ADARB1: variants seen among roughly 807,000 people sequenced by gnomAD.
ADARB1 encodes double-stranded RNA-specific editase 1.
A neutral mutation model predicts 52.4 loss-of-function variants in ADARB1; 10 were observed. That is an observed-to-expected ratio of 0.19 (90% CI 0.12 to 0.32). ADARB1 has a LOEUF of 0.32. Ranked by LOEUF, ADARB1 falls within the 10% of genes least tolerant of loss-of-function variation. The pLI is 1.00. For synonymous variants in ADARB1, 349 were observed against 371.1 expected, an observed-to-expected ratio of 0.94 and a Z score of 0.68; for missense variants, 643 against 922.3, an observed-to-expected ratio of 0.70 and a Z score of 3.92.
Position 45,176,685 on chromosome 21 carries a change from T to G in ADARB1, c.963+21T>G. The G allele has an allele frequency of 6.4e-7, 1 of 1,571,644 alleles. No individual in the cohort carries two copies. The highest frequency in any genetic ancestry group is 8.6e-7 in the Non-Finnish European group (1 of 1,159,116). On this transcript the variant is annotated intron_variant, in intron 4 of 10. Coordinates refer to ENST00000348831, the MANE Select transcript of ADARB1 (RefSeq NM_001112.4). The surrounding 1 kb of genome is among the most constrained non-coding windows in gnomAD (Gnocchi z 5.8). Reference sequence around the variant, plus strand: ...CGCAGGTGAGGAACTATGCTGCTGCTTTAAAACACGGGGTCATTGCTCTTG... The same window carrying G: ...CGCAGGTGAGGAACTATGCTGCTGCGTTAAAACACGGGGTCATTGCTCTTG...
At position 45,225,325 on chromosome 21, in the gene ADARB1, C is replaced by T; in HGVS notation, c.*3128C>T. 8.2e-7 allele frequency: 1 copy of T among 1,217,990 alleles called. No homozygotes were observed. Among genetic ancestry groups the T allele is most frequent in the East Asian group, 3.2e-5 (1 of 30,816 alleles). 75.4% of individuals were successfully genotyped at this position (1,217,990 alleles called of 1,614,324 possible). ...CCCAGCAAGGGACGCCAAAGAACTG[C>T]AGTTTTTATTCTGAGTCTTAATTTA... is the stretch of plus-strand genomic sequence containing the variant. On this transcript the variant is annotated 3_prime_UTR_variant, in exon 11 of 11. Coordinates refer to ENST00000348831, the MANE Select transcript of ADARB1 (RefSeq NM_001112.4).
chr21:45,099,312 A>G (rs2086898213), intron 1 of ADARB1, among the ~76,000 whole-genome samples: 1 of 152,152 alleles, frequency 6.6e-6, no homozygotes, highest in Non-Finnish European at 1.5e-5. Context: ...TTCAGTGCCT[A>G]GTATACAGCC....
At chr21:45,075,896 C>A (rs2085913391) in intron 1 of ADARB1, among the ~76,000 whole-genome samples, 2 of 152,148 alleles carry the variant, frequency 1.3e-5, no homozygotes, top group South Asian at 4.1e-4. Flanking sequence ...GGCATGATAT[C>A]AAACTTGTTT....
chr21:45,176,345 C>T lies in ADARB1; in HGVS notation c.644C>T (p.Ala215Val). 1 of 1,613,998 alleles carries T rather than the reference C, an allele frequency of 6.2e-7. No individual in the cohort carries two copies. The highest frequency in any genetic ancestry group is 8.5e-7 in the Non-Finnish European group (1 of 1,179,908). ...AGCTTGTCTGCTTCCCCGGTGCCTGCCAGCCTAGCCCAGCCTCCTCTCCCT... is the reference window on the plus strand; with the variant it reads ...AGCTTGTCTGCTTCCCCGGTGCCTGTCAGCCTAGCCCAGCCTCCTCTCCCT... Reference protein sequence around the residue: ...DLSLSASPVPASLAQPPLPVL... With the variant: ...DLSLSASPVPVSLAQPPLPVL... Residue 215 changes from alanine to valine, a missense_variant, in exon 4 of 11, where the codon GCC (alanine) becomes GTC (valine). Coordinates refer to ENST00000348831, the MANE Select transcript of ADARB1 (RefSeq NM_001112.4). This position sits in a 1 kb window ranked among gnomAD's most constrained non-coding sequence, Gnocchi z 5.8.
rs2093041846 is a variant in ADARB1, at chr21:45,225,164, G to A, written c.*2967G>A. The A allele has an allele frequency of 4.8e-6, 5 of 1,031,786 alleles. No homozygotes were observed. The highest frequency in any genetic ancestry group is 4.6e-6 in the Non-Finnish European group (4 of 861,284). The allele number at this position is 1,031,786 out of a possible 1,614,324, so 63.9% of individuals were successfully genotyped here. A position where few individuals can be genotyped will look rare whatever the true frequency, so the allele number is the denominator to read the frequency against. ...GGACCACTCAGGTACAGCTCTGCCA[G>A]GGACAGAGTCCTGCTAGTGGGAGGT... On this transcript the variant is annotated 3_prime_UTR_variant, in exon 11 of 11. Coordinates refer to ENST00000348831, the MANE Select transcript of ADARB1 (RefSeq NM_001112.4).
In ADARB1 at chr21:45,152,535, G is replaced by A. The variant is rs374157680; in HGVS notation, c.-47-19075G>A. 17 of 280,100 alleles carry A rather than the reference G, an allele frequency of 6.1e-5. No homozygotes were observed. In the East Asian group the frequency reaches 8.5e-4, roughly 14 times the overall value. 17.4% of individuals were successfully genotyped at this position (280,100 alleles called of 1,614,324 possible). On this transcript the variant is annotated intron_variant, in intron 2 of 10. Coordinates refer to ENST00000348831, the MANE Select transcript of ADARB1 (RefSeq NM_001112.4). ...AGCTGCCGGCACACGGAAGTGAGTCGGTGTGCTGCTGCCCCGAGTGACTGA... is the reference window on the plus strand; with the variant it reads ...AGCTGCCGGCACACGGAAGTGAGTCAGTGTGCTGCTGCCCCGAGTGACTGA...
At chr21:45,081,585 T>C (rs559159643) in intron 1 of ADARB1, among the ~76,000 whole-genome samples, 1 of 152,272 alleles carries the variant, frequency 6.6e-6, no homozygotes, top group East Asian at 1.9e-4. Context: ...CAACTTGCGA[T>C]GGGTTCATAG....
In ADARB1 at chr21:45,080,730, A is replaced by G. The variant is rs146819279; in HGVS notation, c.-220+5937A>G. On this transcript the variant is annotated intron_variant, in intron 1 of 10. Coordinates refer to ENST00000348831, the MANE Select transcript of ADARB1 (RefSeq NM_001112.4). ...GGAGGTTGGCACCTTTATTCACCAA[A>G]TTCAGTACTCAGAGGACTAGAAGAC... is the stretch of plus-strand genomic sequence containing the variant. Among the ~76,000 whole-genome samples the G allele has an allele frequency of 4.2e-3, 639 of 152,316 alleles. 4 individuals are homozygous for G. The highest frequency in any genetic ancestry group is 0.015 in the African/African-American group (606 of 41,574).
Position 45,222,320 on chromosome 21 carries a change from C to T in ADARB1, c.*123C>T. On this transcript the variant is annotated 3_prime_UTR_variant, in exon 11 of 11. Transcript: ENST00000348831. ...GAGGGAGTAGGGGGACACGGGGGAC[C>T]ACCAGGTGTCCACGGTTGTCCCCAG... is the stretch of plus-strand genomic sequence containing the variant. 1 of 1,407,428 alleles carries T rather than the reference C, an allele frequency of 7.1e-7. No homozygotes were observed. Among genetic ancestry groups the T allele is most frequent in the Non-Finnish European group, 9.2e-7 (1 of 1,087,346 alleles). The allele number at this position is 1,407,428 out of a possible 1,614,324, so 87.2% of individuals were successfully genotyped here.
chr21:45,188,525 A>G (rs543074011), intron 8 of ADARB1, among the ~76,000 whole-genome samples: 3 of 152,262 alleles, frequency 2.0e-5, no homozygotes, highest in South Asian at 4.1e-4. Flanking sequence ...TACCATCTGC[A>G]TGGAATATAT....
chr21:45,154,924 G>A (rs563954583), intron 2 of ADARB1, among the ~76,000 whole-genome samples: 19 of 152,330 alleles, frequency 1.2e-4, no homozygotes, highest in African/African-American at 4.3e-4. Flanking sequence ...GGCTGCTGCT[G>A]TAGCCTCATT....
At chr21:45,118,977 CTAT>C in intron 1 of ADARB1, among the ~76,000 whole-genome samples, 1 of 152,328 alleles carries the variant, frequency 6.6e-6, no homozygotes, top group African/African-American at 2.4e-5. Flanking sequence ...GCACCGTGCA[CTAT>C]TATGGTTCAT....
intron 1 of ADARB1, among the ~76,000 whole-genome samples, chr21:45,109,313 T>C (rs1209538450): frequency 1.3e-5 from 2 of 152,230 alleles, no homozygotes; most frequent in African/African-American, 4.8e-5. Flanking sequence ...TGCACGTGTG[T>C]GCGCGCGTGT....
chr21:45,115,319 A>G (rs1268892995), intron 1 of ADARB1, among the ~76,000 whole-genome samples: 2 of 152,128 alleles, frequency 1.3e-5, no homozygotes, highest in South Asian at 2.1e-4. Flanking sequence ...GAGTTGGTTC[A>G]GTCTGGGTCA....
At chr21:45,107,338 A>T (rs145240952) in intron 1 of ADARB1, among the ~76,000 whole-genome samples, 200 of 152,266 alleles carry the variant, frequency 1.3e-3, no homozygotes, top group African/African-American at 4.6e-3. Context: ...AAGCAAAAAG[A>T]CTCAGCTTTT....
chr21:45,088,543 TC>T (rs1389399914), intron 1 of ADARB1, among the ~76,000 whole-genome samples: 1 of 152,040 alleles, frequency 6.6e-6, no homozygotes, highest in African/African-American at 2.4e-5. Context: ...ACAGAAACAT[TC>T]CAATTAATTG....
intron 1 of ADARB1, among the ~76,000 whole-genome samples, chr21:45,109,198 CGT>C (rs35140005): frequency 0.84 from 123,558 of 147,460 alleles, 51,752 homozygotes; most frequent in Non-Finnish European, 0.89. Context: ...TGTGTGTGCA[CGT>C]GTGTTTGCGC....
intron 9 of ADARB1, among the ~76,000 whole-genome samples, chr21:45,206,950 C>A (rs950011155): frequency 6.6e-6 from 1 of 152,184 alleles, no homozygotes; most frequent in Non-Finnish European, 1.5e-5. Context: ...GGGGCTGTGC[C>A]GAGCTGATTC....
intron 2 of ADARB1, among the ~76,000 whole-genome samples, chr21:45,165,193 C>G (rs1328540369): frequency 6.6e-6 from 1 of 152,112 alleles, no homozygotes; most frequent in Non-Finnish European, 1.5e-5. Context: ...GGAACTAGAG[C>G]CACAGTTTGA....
Sources: allele counts gnomAD v4.1 joint callset (sites outside exome capture counted in the v4.1 genomes callset), GRCh38; gene constraint gnomAD v4.1.1; non-coding constraint Gnocchi (gnomAD v3.1); transcripts MANE v1.5; gene names NCBI Gene and HGNC (gene_info 2026-07-23, HGNC 2026-07-21).